Variants in FBLN7 observed in about 807,000 individuals in gnomAD.
FBLN7 encodes fibulin-7.
In FBLN7, 31 loss-of-function variants were observed where a neutral mutation model predicts 44.0. The observed-to-expected ratio is 0.70, with a 90% CI of 0.53 to 0.95. FBLN7 has a LOEUF of 0.95. Among genes scored for constraint, FBLN7 ranks in the 40% least tolerant of loss-of-function variants. The pLI is 0.00. For synonymous variants in FBLN7, 262 were observed against 253.4 expected (o/e 1.03, Z -0.32); for missense variants, 573 against 618.5 (o/e 0.93, Z 0.78).
chr2:112,164,168 A>G (rs757393758), intron 2 of FBLN7, among the ~76,000 whole-genome samples: 1 of 152,216 alleles, frequency 6.6e-6, no homozygotes, highest in Non-Finnish European at 1.5e-5. Flanking sequence ...GTTCATGGAT[A>G]TAGCCCAAGT....
At chr2:112,218,324 C>A in the FBLN7 span, among the ~76,000 whole-genome samples, 1 of 152,186 alleles carries the variant, frequency 6.6e-6, no homozygotes, top group Non-Finnish European at 1.5e-5. Context: ...GGTTTAGAAA[C>A]CAGGCAGTCT....
the FBLN7 span, chr2:112,216,433 T>C: frequency 6.6e-6 from 1 of 152,244 alleles, no homozygotes; most frequent in African/African-American, 2.4e-5. Flanking sequence ...TGAACACGCA[T>C]GGGCGTTAAA....
At chr2:112,139,826 GGCCAGTGTCCCTCCCGCCTCTCTCCAC>G in intron 1 of FBLN7, among the ~76,000 whole-genome samples, 3 of 55,918 alleles carry the variant, frequency 5.4e-5, no homozygotes, top group Non-Finnish European at 6.9e-5. Flanking sequence ...CCTCTCTCCA[GGCCAGTGTCCCTCCCGCCTCTCTCCAC>G]GCCAGTGTCC....
the FBLN7 span, among the ~76,000 whole-genome samples, chr2:112,238,903 C>A: frequency 6.6e-6 from 1 of 152,176 alleles, no homozygotes; most frequent in Non-Finnish European, 1.5e-5. Context: ...TCTGCCTTTG[C>A]ATTGACAGTA....
At chr2:112,244,637 C>T in the FBLN7 span, among the ~76,000 whole-genome samples, 2 of 152,170 alleles carry the variant, frequency 1.3e-5, no homozygotes, top group Non-Finnish European at 2.9e-5. Context: ...TTTTGAAAAG[C>T]ATGTGTTCAC....
the FBLN7 span, among the ~76,000 whole-genome samples, chr2:112,221,735 A>C: frequency 6.6e-6 from 1 of 151,960 alleles, no homozygotes; most frequent in Non-Finnish European, 1.5e-5. Context: ...TCTTTCTTAT[A>C]ATGGTCATTT....
chr2:112,172,942 G>A (rs10170168), intron 3 of FBLN7, among the ~76,000 whole-genome samples: 89,614 of 152,066 alleles, frequency 0.59, 26,967 homozygotes, highest in East Asian at 0.78. Flanking sequence ...CTGTAAGTTC[G>A]TCTTTTCAAT....
the FBLN7 span, chr2:112,234,252 CA>C: frequency 8.5e-6 from 13 of 1,522,430 alleles, no homozygotes; most frequent in South Asian, 1.2e-4. Context: ...AAAACAAAAA[CA>C]AAAAAACTAA....
the FBLN7 span, chr2:112,238,451 A>T: frequency 6.2e-7 from 1 of 1,613,536 alleles, no homozygotes; most frequent in Middle Eastern, 1.7e-4. Context: ...AGATATCATT[A>T]TCACTATATA....
chr2:112,189,113 T>C (rs1457783023), downstream of FBLN7: 6 of 152,134 alleles, frequency 3.9e-5, no homozygotes, highest in Non-Finnish European at 8.8e-5. Flanking sequence ...GTGGGATATA[T>C]GTGGGATATA....
chr2:112,233,446 C>G, the FBLN7 span: 1 of 980,992 alleles, frequency 1.0e-6, no homozygotes. Context: ...TCCTACTAAA[C>G]TTTAAATAAG....
In FBLN7 at chr2:112,169,227, C is replaced by G. The variant is rs547386649; in HGVS notation, c.406+4056C>G. Among the ~76,000 whole-genome samples, 3 of 152,284 alleles carry G rather than the reference C, an allele frequency of 2.0e-5. No homozygotes were observed. The South Asian group carries it at 6.2e-4, about 32-fold the overall frequency. On this transcript the variant is annotated intron_variant, in intron 3 of 7. Transcript: ENST00000331203. The stretch of plus-strand genomic sequence containing the variant: ...GGCAGAAGTTGCAGTGAGCCGAAAT[C>G]ACACCACTGCACTCCAGCCTGGGTG...
At chr2:112,244,270 C>T in the FBLN7 span, among the ~76,000 whole-genome samples, 4 of 152,130 alleles carry the variant, frequency 2.6e-5, no homozygotes, top group Non-Finnish European at 5.9e-5. Context: ...TAACCTCAAA[C>T]TTAATTCTAT....
chr2:112,159,862 G>A, intron 2 of FBLN7, 27 bp downstream of exon 2: 3 of 1,500,518 alleles, frequency 2.0e-6, no homozygotes, highest in Non-Finnish European at 2.7e-6. Flanking sequence ...GCACCGCTGG[G>A]GCGGCAGCGC....
chr2:112,160,740 A>ACACGCG (rs1553474968), intron 2 of FBLN7, among the ~76,000 whole-genome samples: 13 of 40,936 alleles, frequency 3.2e-4, no homozygotes, highest in African/African-American at 2.0e-3. Context: ...ACGCACACGC[A>ACACGCG]CACACGCGCA....
chr2:112,160,776 G>GCGCACA (rs551574476), intron 2 of FBLN7, among the ~76,000 whole-genome samples: 5 of 108,860 alleles, frequency 4.6e-5, no homozygotes, highest in Admixed American at 1.8e-4. Context: ...ACACGCAGAC[G>GCGCACA]CACACGCACG....
chr2:112,195,669 A>G, the FBLN7 span, among the ~76,000 whole-genome samples: 1 of 152,174 alleles, frequency 6.6e-6, no homozygotes, highest in Non-Finnish European at 1.5e-5. Context: ...TATGTGAGAT[A>G]ACGTGGTTAT....
the FBLN7 span, among the ~76,000 whole-genome samples, chr2:112,232,952 A>G: frequency 3.3e-5 from 5 of 152,232 alleles, no homozygotes; most frequent in Non-Finnish European, 7.3e-5. Flanking sequence ...TTATTTGAAT[A>G]TAGATTCAAT....
chr2:112,147,816 A>G (rs1680962904), intron 1 of FBLN7, among the ~76,000 whole-genome samples: 1 of 152,206 alleles, frequency 6.6e-6, no homozygotes, highest in South Asian at 2.1e-4. Context: ...ACTTGCCTAC[A>G]GTAGATATCA....
Sources: allele counts gnomAD v4.1 joint callset (sites outside exome capture counted in the v4.1 genomes callset), GRCh38; gene constraint gnomAD v4.1.1; transcripts MANE v1.5; gene names NCBI Gene and HGNC (gene_info 2026-07-23, HGNC 2026-07-21).